The following TAS2R1 variants were observed in gnomAD, a reference collection of about 807,000 sequenced individuals.
The protein encoded by TAS2R1 is taste 2 receptor member 1.
For missense variants in TAS2R1, 370 were observed against 353.4 expected, an observed-to-expected ratio of 1.05 and a Z score of -0.38; for synonymous variants, 141 against 134.2, an observed-to-expected ratio of 1.05 and a Z score of -0.35.
the TAS2R1 span, chr5:9,867,062 C>CCTGA: frequency 6.6e-6 from 1 of 152,216 alleles, no homozygotes; most frequent in African/African-American, 2.4e-5. Context: ...ATGACATTCA[C>CCTGA]CATTACAGGG....
the TAS2R1 span, among the ~76,000 whole-genome samples, chr5:9,742,140 C>G: frequency 2.0e-5 from 3 of 152,178 alleles, no homozygotes; most frequent in Non-Finnish European, 4.4e-5. Flanking sequence ...CCGCCTCAGC[C>G]TCCCAAAGAG....
chr5:9,726,018 C>T, the TAS2R1 span, among the ~76,000 whole-genome samples: 42 of 147,984 alleles, frequency 2.8e-4, no homozygotes, highest in African/African-American at 9.9e-4. Context: ...CCAATCAGCA[C>T]CCTGTGTCTA....
At chr5:9,880,947 G>T in the TAS2R1 span, among the ~76,000 whole-genome samples, 3 of 152,090 alleles carry the variant, frequency 2.0e-5, no homozygotes, top group East Asian at 1.9e-4. Flanking sequence ...TCCAGCCAGG[G>T]GTTTAGGGAC....
At chr5:9,878,636 A>G in the TAS2R1 span, among the ~76,000 whole-genome samples, 1 of 152,226 alleles carries the variant, frequency 6.6e-6, no homozygotes, top group Admixed American at 6.5e-5. Flanking sequence ...CAGCTATAAC[A>G]ATTACAGTGA....
chr5:9,737,963 G>T, the TAS2R1 span, among the ~76,000 whole-genome samples: 1 of 152,170 alleles, frequency 6.6e-6, no homozygotes, highest in Non-Finnish European at 1.5e-5. Flanking sequence ...AAGAGGGAGG[G>T]TGCATTTTGA....
the TAS2R1 span, among the ~76,000 whole-genome samples, chr5:9,740,114 C>T: frequency 1.3e-5 from 2 of 152,142 alleles, no homozygotes; most frequent in Non-Finnish European, 2.9e-5. Context: ...CCAAAACGAC[C>T]TCTGGTATTT....
At chr5:9,647,058 C>T (rs560105971) in intron 2 of TAS2R1, among the ~76,000 whole-genome samples, 1 of 152,144 alleles carries the variant, frequency 6.6e-6, no homozygotes, top group Non-Finnish European at 1.5e-5. Flanking sequence ...GGGACTGTGA[C>T]AATGATATGG....
At chr5:9,823,666 A>C in the TAS2R1 span, among the ~76,000 whole-genome samples, 1 of 129,190 alleles carries the variant, frequency 7.7e-6, no homozygotes. Flanking sequence ...AAGGGAGGGA[A>C]AGGAAGGAAG....
At chr5:9,842,312 CTCTCTTTT>C in the TAS2R1 span, among the ~76,000 whole-genome samples, 3 of 120,376 alleles carry the variant, frequency 2.5e-5, no homozygotes, top group Non-Finnish European at 3.5e-5. Context: ...GTCTTTCTTT[CTCTCTTTT>C]TTTTTTTTTT....
chr5:9,736,698 A>C, the TAS2R1 span, among the ~76,000 whole-genome samples: 3 of 152,110 alleles, frequency 2.0e-5, no homozygotes, highest in African/African-American at 7.2e-5. Context: ...CTGCTGGGGA[A>C]TCCAAATTAA....
the TAS2R1 span, among the ~76,000 whole-genome samples, chr5:9,826,461 C>T: frequency 0.072 from 10,971 of 152,216 alleles, 908 homozygotes; most frequent in East Asian, 0.24. Flanking sequence ...AATGTCTCAA[C>T]TGGAAACTAT....
At chr5:9,847,626 C>A in the TAS2R1 span, among the ~76,000 whole-genome samples, 1 of 152,216 alleles carries the variant, frequency 6.6e-6, no homozygotes, top group African/African-American at 2.4e-5. Context: ...CACATGGAAG[C>A]TTTGGAGCAT....
chr5:9,880,696 G>A, the TAS2R1 span, among the ~76,000 whole-genome samples: 13 of 152,314 alleles, frequency 8.5e-5, no homozygotes, highest in Admixed American at 2.0e-4. Flanking sequence ...GAATAGCCAT[G>A]TAGACAACAA....
the TAS2R1 span, among the ~76,000 whole-genome samples, chr5:9,839,598 A>G: frequency 6.6e-6 from 1 of 152,236 alleles, no homozygotes; most frequent in Non-Finnish European, 1.5e-5. Flanking sequence ...GAGGAATCCA[A>G]TAAGTACAAA....
chr5:9,853,731 G>T, the TAS2R1 span, among the ~76,000 whole-genome samples: 1 of 152,096 alleles, frequency 6.6e-6, no homozygotes, highest in Non-Finnish European at 1.5e-5. Flanking sequence ...ATAAACCTTT[G>T]CTGGAGAACC....
intron 1 of TAS2R1, among the ~76,000 whole-genome samples, chr5:9,667,544 T>C (rs747610892): frequency 2.0e-5 from 3 of 152,154 alleles, no homozygotes; most frequent in Non-Finnish European, 4.4e-5. Context: ...GGACAGTAGA[T>C]TTGGGTTGAC....
chr5:9,629,345 TA>T (rs1397300848), downstream of TAS2R1: 1 of 1,613,910 alleles, frequency 6.2e-7, no homozygotes. Flanking sequence ...AAGGACAGGA[TA>T]GACAGCAACG....
At chr5:9,795,564 G>A in the TAS2R1 span, among the ~76,000 whole-genome samples, 1 of 152,164 alleles carries the variant, frequency 6.6e-6, no homozygotes, top group Non-Finnish European at 1.5e-5. Context: ...ATGTCTTGAG[G>A]ACTCAGAAGA....
chr5:9,700,094 T>C (rs991760730), intron 1 of TAS2R1, among the ~76,000 whole-genome samples: 2 of 152,198 alleles, frequency 1.3e-5, no homozygotes, highest in African/African-American at 2.4e-5. Context: ...AACTTCACTA[T>C]ACCTTACACA....
Sources: gnomAD v4.1 joint callset for allele counts (sites outside exome capture counted in the v4.1 genomes callset) on GRCh38, gnomAD v4.1.1 for gene constraint, MANE v1.5 for transcripts, NCBI Gene and HGNC (gene_info 2026-07-23, HGNC 2026-07-21) for gene names.